The following AGBL1 variants were observed in gnomAD, a reference collection of about 807,000 sequenced individuals.
The protein encoded by AGBL1 is AGBL carboxypeptidase 1.
A neutral mutation model predicts 118.9 loss-of-function variants in AGBL1; 130 were observed. The ratio of observed to expected loss-of-function variants is 1.09; its 90% CI spans 0.95 to 1.26. AGBL1 has a LOEUF of 1.26. Among genes scored for constraint, AGBL1 ranks in the 50% most tolerant of loss-of-function variants. AGBL1 has a pLI of 0.00. For synonymous variants in AGBL1, 555 were observed against 478.9 expected, an observed-to-expected ratio of 1.16 and a Z score of -2.08; for missense variants, 1,584 against 1,298.1, an observed-to-expected ratio of 1.22 and a Z score of -3.38.
At chr15:86,408,072 C>T (rs1417977795) in intron 18 of AGBL1, among the ~76,000 whole-genome samples, 1 of 152,126 alleles carries the variant, frequency 6.6e-6, no homozygotes, top group Non-Finnish European at 1.5e-5. Flanking sequence ...GCGTTTCTGT[C>T]TCTTTCTTTC....
intron 1 of AGBL1, among the ~76,000 whole-genome samples, chr15:86,092,188 C>T (rs1896075636): frequency 6.6e-6 from 1 of 152,082 alleles, no homozygotes; most frequent in Admixed American, 6.5e-5. Context: ...AAAAACTCTC[C>T]CCCTAGATAA....
At chr15:86,266,334 G>A (rs770901012) in intron 11 of AGBL1, 40 bp from the exon 12 acceptor site, 4 of 1,494,780 alleles carry the variant, frequency 2.7e-6, no homozygotes, top group Non-Finnish European at 3.6e-6. Flanking sequence ...GCTAGGGAGA[G>A]AAGGCCGACC....
chr15:86,704,958 AG>A (rs749682725), intron 22 of AGBL1, among the ~76,000 whole-genome samples: 19 of 152,336 alleles, frequency 1.2e-4, no homozygotes, highest in Non-Finnish European at 2.5e-4. Flanking sequence ...AGCCATAAAA[AG>A]GAATGAGTTC....
chr15:86,119,956 A>G (rs1315827243), intron 1 of AGBL1, among the ~76,000 whole-genome samples: 2 of 152,190 alleles, frequency 1.3e-5, no homozygotes, highest in Non-Finnish European at 2.9e-5. Flanking sequence ...AACTATTTAC[A>G]AACTAACTCG....
At chr15:86,790,856 C>G (rs964308420) in intron 22 of AGBL1, among the ~76,000 whole-genome samples, 1 of 151,874 alleles carries the variant, frequency 6.6e-6, no homozygotes, top group Non-Finnish European at 1.5e-5. Context: ...GCTTCTGTAA[C>G]CACCAAGAAG....
At chr15:86,364,559 CAT>C (rs1185209953) in intron 17 of AGBL1, among the ~76,000 whole-genome samples, 1 of 152,102 alleles carries the variant, frequency 6.6e-6, no homozygotes, top group African/African-American at 2.4e-5. Flanking sequence ...TTTTTCTACA[CAT>C]GTTGTGTTAG....
At chr15:86,159,504 C>G (rs1265220937) in intron 5 of AGBL1, among the ~76,000 whole-genome samples, 1 of 152,044 alleles carries the variant, frequency 6.6e-6, no homozygotes, top group Non-Finnish European at 1.5e-5. Context: ...AGTTCTGGGC[C>G]TTATAATAGT....
chr15:86,342,414 T>C (rs2080474695), intron 17 of AGBL1, among the ~76,000 whole-genome samples: 1 of 152,222 alleles, frequency 6.6e-6, no homozygotes, highest in African/African-American at 2.4e-5. Context: ...TAATAACTGA[T>C]GGTGAAATGA....
At chr15:86,605,321 A>C (rs2084560259) in intron 21 of AGBL1, among the ~76,000 whole-genome samples, 1 of 152,218 alleles carries the variant, frequency 6.6e-6, no homozygotes. Context: ...AATAAAAAAA[A>C]AAAGAATCTT....
chr15:86,319,450 C>CTCTTTTGTGATGTT (rs1274575658), intron 17 of AGBL1, among the ~76,000 whole-genome samples: 1 of 151,882 alleles, frequency 6.6e-6, no homozygotes, highest in Non-Finnish European at 1.5e-5. Flanking sequence ...TTTGGATTTC[C>CTCTTTTGTGATGTT]TCTTTTGTGA....
chr15:86,879,489 A>G (rs1013850630), intron 22 of AGBL1, among the ~76,000 whole-genome samples: 5 of 152,150 alleles, frequency 3.3e-5, no homozygotes, highest in African/African-American at 7.2e-5. Context: ...GGTCTCCTTC[A>G]GTGAGACATT....
chr15:86,902,487 T>G (rs920716085), intron 22 of AGBL1, among the ~76,000 whole-genome samples: 2 of 152,208 alleles, frequency 1.3e-5, no homozygotes, highest in African/African-American at 4.8e-5. Flanking sequence ...TATTTGCTCA[T>G]ATTTTTACTC....
chr15:86,846,394 C>T (rs2079318798), intron 22 of AGBL1, among the ~76,000 whole-genome samples: 1 of 152,144 alleles, frequency 6.6e-6, no homozygotes, highest in African/African-American at 2.4e-5. Context: ...TTCTTTTTAT[C>T]TGTACATAAG....
intron 3 of AGBL1, 95 bp downstream of exon 3, chr15:86,143,940 G>A (rs1473462923): frequency 6.9e-7 from 1 of 1,440,358 alleles, no homozygotes; most frequent in Non-Finnish European, 9.3e-7. Context: ...AGTAGCACAG[G>A]GAGAAAGCGT....
At chr15:86,207,672 G>A (rs976722420) in intron 5 of AGBL1, among the ~76,000 whole-genome samples, 8 of 152,164 alleles carry the variant, frequency 5.3e-5, no homozygotes, top group Non-Finnish European at 1.0e-4. Context: ...TGTTTCCTGA[G>A]ACTTTGCTGA....
chr15:86,747,108 G>A (rs1567153517), intron 22 of AGBL1, among the ~76,000 whole-genome samples: 1 of 151,920 alleles, frequency 6.6e-6, no homozygotes, highest in Non-Finnish European at 1.5e-5. Flanking sequence ...GACTCTAGAG[G>A]GATCACTTTT....
At chr15:86,806,500 C>A (rs1300548849) in intron 22 of AGBL1, among the ~76,000 whole-genome samples, 1 of 152,130 alleles carries the variant, frequency 6.6e-6, no homozygotes, top group African/African-American at 2.4e-5. Flanking sequence ...GTTTCACATT[C>A]CATGATGATG....
chr15:86,740,493 A>T (rs1446750078), intron 22 of AGBL1, among the ~76,000 whole-genome samples: 3 of 152,208 alleles, frequency 2.0e-5, no homozygotes, highest in African/African-American at 7.2e-5. Context: ...CTAACATGCG[A>T]GTAGATTCAA....
chr15:86,083,740 A>G (rs566513721), intron 1 of AGBL1: 1 of 152,378 alleles, frequency 6.6e-6, no homozygotes, highest in East Asian at 1.9e-4. Context: ...GAGGAAGGGT[A>G]GAAAAATGAT....
Sources: allele counts gnomAD v4.1 joint callset (sites outside exome capture counted in the v4.1 genomes callset), GRCh38; gene constraint gnomAD v4.1.1; transcripts MANE v1.5; gene names NCBI Gene and HGNC (gene_info 2026-07-23, HGNC 2026-07-21).